COPG2: variants seen among roughly 807,000 people sequenced by gnomAD.
The protein encoded by COPG2 is coat protein complex I subunit gamma 2.
Under a neutral mutation model 46.3 loss-of-function variants are expected in COPG2, and 37 were observed. The observed-to-expected ratio is 0.80, with a 90% confidence interval of 0.61 to 1.05. COPG2 has a LOEUF of 1.05. Among genes scored for constraint, COPG2 ranks in the 50% least tolerant of loss-of-function variants. The pLI, the probability that COPG2 is intolerant of heterozygous loss-of-function variation, is 0.00. For missense variants in COPG2, 427 were observed against 387.8 expected (o/e 1.10, Z -0.85); for synonymous variants, 159 against 129.7 (o/e 1.23, Z -1.53).
chr7:130,514,003 G>C (rs1799653262), intron 20 of COPG2, among the ~76,000 whole-genome samples: 1 of 152,234 alleles, frequency 6.6e-6, no homozygotes, highest in South Asian at 2.1e-4. Context: ...GTAAGCGTAG[G>C]TGGAGTGGCA....
intron 19 of COPG2, among the ~76,000 whole-genome samples, chr7:130,548,127 C>T (rs1289818982): frequency 1.3e-5 from 2 of 152,204 alleles, no homozygotes; most frequent in Non-Finnish European, 2.9e-5. Flanking sequence ...CCCACTTAAT[C>T]TACCCTGATG....
intron 5 of COPG2, among the ~76,000 whole-genome samples, chr7:130,648,896 T>C (rs1186929459): frequency 6.6e-6 from 1 of 152,206 alleles, no homozygotes; most frequent in African/African-American, 2.4e-5. Context: ...TTTCACTTCA[T>C]CCTCTCATTT....
chr7:130,653,597 C>A (rs2116240808), intron 4 of COPG2, among the ~76,000 whole-genome samples: 1 of 152,212 alleles, frequency 6.6e-6, no homozygotes, highest in East Asian at 1.9e-4. Context: ...CAATGCTCCA[C>A]CTACTCTCCC....
chr7:130,547,597 G>T, intron 20 of COPG2, 77 bp downstream of exon 20: 1 of 398,274 alleles, frequency 2.5e-6, no homozygotes, highest in South Asian at 1.3e-4. Flanking sequence ...TTCTTAAACT[G>T]AGCATTTGAA....
At chr7:130,556,377 T>C (rs1394295428) in intron 12 of COPG2, among the ~76,000 whole-genome samples, 1 of 152,070 alleles carries the variant, frequency 6.6e-6, no homozygotes, top group Non-Finnish European at 1.5e-5. Context: ...ACAGTTATGG[T>C]AGCAGGAAAC....
intron 3 of COPG2, 102 bp downstream of exon 3, chr7:130,666,747 G>C: frequency 1.6e-6 from 1 of 639,738 alleles, no homozygotes; most frequent in Admixed American, 3.4e-5. Context: ...AAAATTAAGT[G>C]AATTTAAAAT....
intron 9 of COPG2, chr7:130,607,884 G>A (rs1554451496): frequency 4.0e-6 from 2 of 500,812 alleles, no homozygotes. Context: ...TTGTCTTTCA[G>A]GCATCAACTG....
intron 5 of COPG2, among the ~76,000 whole-genome samples, chr7:130,641,528 AG>A (rs1396036043): frequency 6.6e-6 from 1 of 152,258 alleles, no homozygotes; most frequent in Non-Finnish European, 1.5e-5. Flanking sequence ...GTACAACTCC[AG>A]GAAGTATTTA....
intron 5 of COPG2, among the ~76,000 whole-genome samples, chr7:130,652,212 T>C (rs1795761429): frequency 6.6e-6 from 1 of 152,236 alleles, no homozygotes; most frequent in Admixed American, 6.5e-5. Flanking sequence ...CTGATTATTT[T>C]CCAAGGATAG....
chr7:130,647,493 T>G (rs536965945), intron 5 of COPG2, among the ~76,000 whole-genome samples: 1 of 152,268 alleles, frequency 6.6e-6, no homozygotes, highest in South Asian at 2.1e-4. Context: ...ATGTATTCAT[T>G]TTCCTTGAGT....
intron 20 of COPG2, among the ~76,000 whole-genome samples, chr7:130,538,682 G>C (rs990272720): frequency 7.0e-5 from 4 of 57,004 alleles, no homozygotes; most frequent in Non-Finnish European, 1.4e-4. Flanking sequence ...GGGGCTGGGG[G>C]CCTGGGAGGG....
At position 130,506,554 on chromosome 7, in the gene COPG2, G is replaced by C. The variant is rs1257746690; in HGVS notation, c.*122C>G. On this transcript the variant is annotated 3_prime_UTR_variant, in exon 24 of 24. Transcript: ENST00000425248. ...TTGATCTGCTGGCTCAGGGCCAAAT[G>C]TTTAATTTGCTTCTCCAAAGTCATT... is the stretch of plus-strand genomic sequence containing the variant. 2 of 495,016 alleles carry C rather than the reference G, an allele frequency of 4.0e-6. No individual in the cohort carries two copies. The highest frequency in any genetic ancestry group is 7.6e-5 in the Admixed American group (2 of 26,486). 30.7% of individuals were successfully genotyped at this position (495,016 alleles called of 1,614,324 possible).
chr7:130,668,563 G>C, intron 1 of COPG2, 69 bp downstream of exon 1: 1 of 1,413,844 alleles, frequency 7.1e-7, no homozygotes, highest in Non-Finnish European at 9.5e-7. Context: ...CGGCCTGAAA[G>C]CAGGTGGCGG....
chr7:130,649,360 A>T (rs1795685170), intron 5 of COPG2, among the ~76,000 whole-genome samples: 1 of 152,186 alleles, frequency 6.6e-6, no homozygotes, highest in Non-Finnish European at 1.5e-5. Flanking sequence ...TTTTTGTTTA[A>T]CAGGTCTCTT....
chr7:130,543,802 G>A (rs1793382619), intron 20 of COPG2, among the ~76,000 whole-genome samples: 1 of 152,198 alleles, frequency 6.6e-6, no homozygotes, highest in South Asian at 2.1e-4. Flanking sequence ...GATCATTTAA[G>A]TCAAGTCAGC....
chr7:130,573,187 T>C (rs571422919), intron 9 of COPG2, among the ~76,000 whole-genome samples: 7 of 145,300 alleles, frequency 4.8e-5, no homozygotes, highest in South Asian at 2.3e-4. Flanking sequence ...TAATTTCTAA[T>C]GAGTTAGTTA....
At chr7:130,547,900 T>G (rs1793470905) in intron 19 of COPG2, 55 bp from the exon 20 acceptor site, 1 of 398,436 alleles carries the variant, frequency 2.5e-6, no homozygotes, top group Non-Finnish European at 4.4e-6. Flanking sequence ...TCCTTCCTAC[T>G]CATAACCCAC....
chr7:130,666,983 T>G lies in COPG2; in HGVS notation c.91-54A>C, dbSNP rs1336414555. The G allele has an allele frequency of 3.2e-6, 3 of 944,032 alleles. No homozygotes were observed. In the South Asian group the frequency reaches 4.6e-5, roughly 15 times the overall value. 58.5% of individuals were successfully genotyped at this position (944,032 alleles called of 1,614,324 possible). On this transcript the variant is annotated intron_variant, in intron 2 of 23. Transcript: ENST00000425248. ...CTTTTCTACCTTTTCTATCACAGAT[T>G]ATAGCAAATCAACTTTAATACAGAC...
At chr7:130,535,690 T>G (rs1799873112) in intron 20 of COPG2, among the ~76,000 whole-genome samples, 6 of 14,630 alleles carry the variant, frequency 4.1e-4, no homozygotes, top group South Asian at 1.9e-3. Flanking sequence ...GATGAATGGG[T>G]GGGGCAGGGT....
Sources: allele counts gnomAD v4.1 joint callset (sites outside exome capture counted in the v4.1 genomes callset), GRCh38; gene constraint gnomAD v4.1.1; transcripts MANE v1.5; gene names NCBI Gene and HGNC (gene_info 2026-07-23, HGNC 2026-07-21).